The following TAF3 variants were observed in gnomAD, a reference collection of about 807,000 sequenced individuals.
TAF3 encodes the protein TATA-box binding protein associated factor 3, also known as transcription initiation factor TFIID subunit 3.
TAF3 carries 7 observed loss-of-function variants against 80.6 expected under a neutral mutation model. The observed-to-expected ratio is 0.09, with a 90% confidence interval of 0.05 to 0.16. The LOEUF is 0.16. Among genes scored for constraint, TAF3 ranks in the 10% least tolerant of loss-of-function variants. TAF3 has a pLI of 1.00. For synonymous variants in TAF3, 444 were observed against 446.1 expected, an observed-to-expected ratio of 1.00 and a Z score of 0.06; for missense variants, 921 against 1,140.2, an observed-to-expected ratio of 0.81 and a Z score of 2.77.
chr10:7,871,923 G>A (rs973123887), intron 2 of TAF3, among the ~76,000 whole-genome samples: 12 of 152,230 alleles, frequency 7.9e-5, no homozygotes, highest in South Asian at 4.1e-4. Flanking sequence ...AACATGATTT[G>A]TCTTTTAGCC....
At position 7,942,550 on chromosome 10, in the gene TAF3, C is replaced by T. The variant is rs137942549; in HGVS notation, c.410-21370C>T. On this transcript the variant is annotated intron_variant, in intron 2 of 6. Transcript: ENST00000344293. ...AAGCTTTGCTTTCTGAAACAAAATC[C>T]GCTGGGTTTTCCTGGAGAAAACTTG... is the stretch of plus-strand genomic sequence containing the variant. Among the ~76,000 whole-genome samples, 569 of 152,234 alleles carry T rather than the reference C, an allele frequency of 3.7e-3. 4 individuals are homozygous for T. Among genetic ancestry groups the T allele is most frequent in the South Asian group, 0.02 (97 of 4,830 alleles).
rs1276032266 is a variant in TAF3 at position 7,863,656 on chromosome 10, CATATATATAT to C, written c.409+39098_409+39107del. Among the ~76,000 whole-genome samples the C allele has an allele frequency of 6.9e-5, 6 of 87,438 alleles. 2 individuals are homozygous for C. Among genetic ancestry groups the C allele is most frequent in the Admixed American group, 4.1e-4 (3 of 7,366 alleles). 57.4% of individuals were successfully genotyped at this position (87,438 alleles called of 152,430 possible). ...ATATATATATATATATACACACACA[CATATATATAT>C]ACACACATATATATATATACACACA... On this transcript the variant is annotated intron_variant, in intron 2 of 6. Coordinates refer to ENST00000344293, the MANE Select transcript of TAF3 (RefSeq NM_031923.4).
chr10:7,934,634 G>A (rs369098036), intron 2 of TAF3, among the ~76,000 whole-genome samples: 38 of 151,936 alleles, frequency 2.5e-4, no homozygotes, highest in East Asian at 2.3e-3. Context: ...TAGTAGGGAC[G>A]GAGTTTCACC....
chr10:7,865,155 G>C (rs187643921), intron 2 of TAF3, among the ~76,000 whole-genome samples: 9 of 152,006 alleles, frequency 5.9e-5, no homozygotes, highest in African/African-American at 2.2e-4. Flanking sequence ...CAGGAGTGGA[G>C]AGGGCAGGGA....
chr10:7,989,309 G>A (rs1289455329), intron 4 of TAF3, among the ~76,000 whole-genome samples: 1 of 152,162 alleles, frequency 6.6e-6, no homozygotes, highest in African/African-American at 2.4e-5. Flanking sequence ...AGAGAGAGAG[G>A]GCTGAAGGCA....
intron 2 of TAF3, among the ~76,000 whole-genome samples, chr10:7,951,542 C>A (rs548280731): frequency 6.6e-6 from 1 of 152,326 alleles, no homozygotes; most frequent in African/African-American, 2.4e-5. Flanking sequence ...GCTTTCCATG[C>A]CTCTGCTTCT....
At chr10:7,845,660 GAA>G (rs35528740) in intron 2 of TAF3, among the ~76,000 whole-genome samples, 26,064 of 152,120 alleles carry the variant, frequency 0.17, 2,263 homozygotes, top group Admixed American at 0.23. Context: ...GATTTAGAGT[GAA>G]GGTGAGAGGT....
In TAF3 at chr10:7,947,868, G is replaced by A. The variant is rs566111010; in HGVS notation, c.410-16052G>A. 2.0e-5 allele frequency among the ~76,000 whole-genome samples: 3 copies of A among 152,218 alleles called. No individual in the cohort carries two copies. In the South Asian group the frequency reaches 6.2e-4, roughly 32 times the overall value. ...CAATTCCAGCCTCATCCATCACATG[G>A]CTTTATGTGAAGAAGCAGCGGTCAT... On this transcript the variant is annotated intron_variant, in intron 2 of 6. Coordinates refer to ENST00000344293, the MANE Select transcript of TAF3 (RefSeq NM_031923.4).
chr10:7,911,665 G>A (rs11255437), intron 2 of TAF3, among the ~76,000 whole-genome samples: 6,030 of 152,280 alleles, frequency 0.04, 249 homozygotes, highest in Admixed American at 0.11. Context: ...CTGAACGTAC[G>A]CTTAGTTTGT....
At chr10:7,993,019 T>A (rs542383398) in intron 4 of TAF3, among the ~76,000 whole-genome samples, 47 of 152,328 alleles carry the variant, frequency 3.1e-4, no homozygotes, top group Admixed American at 8.5e-4. Context: ...TATACAGACA[T>A]TTTCCTTGTT....
chr10:7,928,566 A>G (rs1837837969), intron 2 of TAF3, among the ~76,000 whole-genome samples: 1 of 152,206 alleles, frequency 6.6e-6, no homozygotes, highest in Non-Finnish European at 1.5e-5. Context: ...TAATTACTGT[A>G]ATTCCTAGGT....
At chr10:7,978,946 CAGGAAGATCACTTG>C (rs1250784320) in intron 4 of TAF3, among the ~76,000 whole-genome samples, 1 of 152,164 alleles carries the variant, frequency 6.6e-6, no homozygotes, top group African/African-American at 2.4e-5. Context: ...GAGGCTGAGG[CAGGAAGATCACTTG>C]AGGCCAGGAG....
At chr10:7,860,520 C>T (rs1366774625) in intron 2 of TAF3, among the ~76,000 whole-genome samples, 2 of 151,994 alleles carry the variant, frequency 1.3e-5, no homozygotes, top group Non-Finnish European at 1.5e-5. Flanking sequence ...GGAATTATTT[C>T]GAGATACTTC....
At chr10:7,824,719 C>T (rs946310300) in intron 2 of TAF3, among the ~76,000 whole-genome samples, 159 bp downstream of exon 2, 2 of 152,184 alleles carry the variant, frequency 1.3e-5, no homozygotes, top group African/African-American at 4.8e-5. Context: ...AACAAACTTG[C>T]AACTGACATT....
intron 4 of TAF3, among the ~76,000 whole-genome samples, chr10:8,003,750 A>T (rs557862447): frequency 5.9e-5 from 9 of 152,338 alleles, no homozygotes; most frequent in Admixed American, 5.2e-4. Flanking sequence ...AAAATTTAAA[A>T]CATTGCCAGT....
At chr10:7,971,879 G>A (rs1224321269) in intron 3 of TAF3, among the ~76,000 whole-genome samples, 1 of 152,144 alleles carries the variant, frequency 6.6e-6, no homozygotes, top group Non-Finnish European at 1.5e-5. Flanking sequence ...ATGACTACTA[G>A]TATTAGTTCA....
chr10:7,963,939 G>A lies in TAF3; in HGVS notation c.429G>A (p.Val143=), dbSNP rs937091740. Residue 143 remains valine (V), a synonymous_variant, in exon 3 of 7, where the codon GTG becomes GTA. Coordinates refer to ENST00000344293, the MANE Select transcript of TAF3 (RefSeq NM_031923.4). ...SSQEEEEEEQ[V]PTDGGTSAEA... is the part of the protein sequence containing the mutation. ...TACCAGAAGAAGAAGAAGAGCAGGT[G>A]CCCACTGATGGAGGCACATCAGCAG... 2 of 1,590,082 alleles carry A rather than the reference G, an allele frequency of 1.3e-6. No homozygotes were observed. The highest frequency in any genetic ancestry group is 2.7e-5 in the African/African-American group (2 of 73,692).
At chr10:7,818,941 T>G (rs2131093171) in intron 1 of TAF3, 66 bp downstream of exon 1, 1 of 1,329,728 alleles carries the variant, frequency 7.5e-7, no homozygotes, top group Non-Finnish European at 9.6e-7. Context: ...TCGCTCTCCC[T>G]GTCCCTCCGC....
At chr10:7,948,573 TG>T (rs1271179535) in intron 2 of TAF3, among the ~76,000 whole-genome samples, 1 of 152,230 alleles carries the variant, frequency 6.6e-6, no homozygotes. Context: ...GCTTGTTTTG[TG>T]GCTTTTGCAT....
Sources: gnomAD v4.1 joint callset for allele counts (sites outside exome capture counted in the v4.1 genomes callset) on GRCh38, gnomAD v4.1.1 for gene constraint, MANE v1.5 for transcripts, NCBI Gene and HGNC (gene_info 2026-07-23, HGNC 2026-07-21) for gene names.